The following LRBA variants were observed in gnomAD, a reference collection of about 807,000 sequenced individuals.
The protein encoded by LRBA is lipopolysaccharide-responsive and beige-like anchor protein.
LRBA carries 176 observed loss-of-function variants against 330.0 expected under a neutral mutation model. That is an observed-to-expected ratio of 0.53 (90% confidence interval 0.47 to 0.60). The LOEUF (loss-of-function observed/expected upper bound fraction) is 0.60. Among genes scored for constraint, LRBA ranks in the 20% least tolerant of loss-of-function variants. LRBA has a pLI of 0.00. For synonymous variants in LRBA, 1,230 were observed against 1,193.0 expected, an observed-to-expected ratio of 1.03 and a Z score of -0.64; for missense variants, 3,259 against 3,444.8, an observed-to-expected ratio of 0.95 and a Z score of 1.35.
At chr4:150,963,880 C>G (rs1379155670) in intron 2 of LRBA, among the ~76,000 whole-genome samples, 5 of 148,054 alleles carry the variant, frequency 3.4e-5, no homozygotes, top group Non-Finnish European at 4.4e-5. Flanking sequence ...GGCCGCCCAT[C>G]ATCTGGGATG....
intron 37 of LRBA, among the ~76,000 whole-genome samples, chr4:150,639,707 A>G (rs1395543389): frequency 7.4e-6 from 1 of 134,398 alleles, no homozygotes; most frequent in Non-Finnish European, 1.6e-5. Flanking sequence ...AAAGTGACAA[A>G]CTAGAAGATA....
intron 22 of LRBA, among the ~76,000 whole-genome samples, chr4:150,854,019 T>C (rs1023948265): frequency 2.0e-5 from 3 of 152,128 alleles, no homozygotes. Flanking sequence ...CAAAAATCAA[T>C]AGGCCTTATT....
intron 53 of LRBA, among the ~76,000 whole-genome samples, chr4:150,294,514 T>C (rs180890971): frequency 3.5e-4 from 53 of 152,318 alleles, no homozygotes; most frequent in African/African-American, 1.3e-3. Flanking sequence ...GGCATATTTA[T>C]AATTTCTCCA....
At position 150,422,529 on chromosome 4, in the gene LRBA, G is replaced by A. The variant is rs1748960419; in HGVS notation, c.7042-6939C>T. On this transcript the variant is annotated intron_variant, in intron 46 of 56. Transcript: ENST00000651943. ...CAGGGAGATGAACATTATAATACTG[G>A]CACTCCTGACCCACACTATCCTCTG... is the stretch of plus-strand genomic sequence containing the variant. The A allele has an allele frequency of 1.5e-5, 6 of 410,900 alleles. No individual in the cohort carries two copies. The Admixed American group carries it at 1.8e-4, about 12-fold the overall frequency. 25.5% of individuals were successfully genotyped at this position (410,900 alleles called of 1,614,324 possible). A position where few individuals can be genotyped will look rare whatever the true frequency, so the allele number is the denominator to read the frequency against.
chr4:150,651,422 T>C (rs1779699084), intron 37 of LRBA, among the ~76,000 whole-genome samples: 3 of 152,154 alleles, frequency 2.0e-5, no homozygotes, highest in Admixed American at 6.5e-5. Flanking sequence ...GAAGAAATAA[T>C]GTTGACGGAT....
At chr4:150,305,647 A>G (rs1730268589) in intron 52 of LRBA, among the ~76,000 whole-genome samples, 4 of 152,212 alleles carry the variant, frequency 2.6e-5, no homozygotes, top group Admixed American at 2.0e-4. Context: ...AGATAGAACA[A>G]ATTTACACTG....
rs1337722072 is a variant in LRBA, at chr4:150,264,919, AC to A, written c.*802del. On this transcript the variant is annotated 3_prime_UTR_variant, in exon 57 of 57. Transcript: ENST00000651943. ...GGAGGGAAGGGGGTGCCCCAACAAA[AC>A]AACAGTGGCTCCGCCTCATTGTCCA... is the stretch of plus-strand genomic sequence containing the variant. 7.7e-5 allele frequency: 6 copies of A among 77,936 alleles called. No individual in the cohort carries two copies. The highest frequency in any genetic ancestry group is 1.8e-4 in the Non-Finnish European group (6 of 33,560). The allele number at this position is 77,936 out of a possible 1,614,324, so 4.8% of individuals were successfully genotyped here.
At chr4:150,383,385 T>C (rs904059255) in intron 47 of LRBA, among the ~76,000 whole-genome samples, 6 of 152,098 alleles carry the variant, frequency 3.9e-5, no homozygotes, top group African/African-American at 9.7e-5. Flanking sequence ...TAGCTGGGAC[T>C]ACAGGTGTGT....
chr4:150,844,604 T>C, intron 27 of LRBA, 54 bp downstream of exon 27: 1 of 1,489,758 alleles, frequency 6.7e-7, no homozygotes, highest in South Asian at 1.3e-5. Context: ...AATAAAAATC[T>C]TAATTGTAAA....
At chr4:150,539,423 G>A (rs953668051) in intron 40 of LRBA, among the ~76,000 whole-genome samples, 1 of 151,992 alleles carries the variant, frequency 6.6e-6, no homozygotes, top group African/African-American at 2.4e-5. Flanking sequence ...TCTTTCACTT[G>A]CCATTTTTTG....
intron 37 of LRBA, among the ~76,000 whole-genome samples, chr4:150,654,511 A>C (rs1242043587): frequency 6.6e-6 from 1 of 152,024 alleles, no homozygotes; most frequent in Non-Finnish European, 1.5e-5. Flanking sequence ...TTCAATTCCT[A>C]TCTCTCTACC....
chr4:150,375,514 G>T (rs1452743525), intron 47 of LRBA, among the ~76,000 whole-genome samples: 1 of 151,996 alleles, frequency 6.6e-6, no homozygotes, highest in African/African-American at 2.4e-5. Context: ...CTGGAATGCA[G>T]TGGCATGATG....
intron 47 of LRBA, among the ~76,000 whole-genome samples, chr4:150,382,914 A>G (rs985031560): frequency 6.6e-6 from 1 of 152,222 alleles, no homozygotes; most frequent in Admixed American, 6.5e-5. Context: ...ACAAATATAG[A>G]AATAAATTGC....
chr4:150,545,782 T>G (rs998069), intron 40 of LRBA, among the ~76,000 whole-genome samples: 1 of 152,040 alleles, frequency 6.6e-6, no homozygotes, highest in Non-Finnish European at 1.5e-5. Context: ...GAAAACAATT[T>G]CTTTTAACTC....
intron 33 of LRBA, among the ~76,000 whole-genome samples, chr4:150,805,819 G>T (rs76713674): frequency 0.013 from 1,987 of 152,166 alleles, 14 homozygotes; most frequent in Middle Eastern, 0.051. Flanking sequence ...CTACCTAGAA[G>T]AGACCCAGGA....
chr4:150,483,323 C>T (rs1357842517), intron 42 of LRBA, among the ~76,000 whole-genome samples: 1 of 151,924 alleles, frequency 6.6e-6, no homozygotes, highest in Admixed American at 6.6e-5. Flanking sequence ...TATTTCTGGA[C>T]TCTGTTACAG....
chr4:150,378,600 CATCAGAGACGGA>C (rs1741712650), intron 47 of LRBA, among the ~76,000 whole-genome samples: 1 of 152,142 alleles, frequency 6.6e-6, no homozygotes, highest in African/African-American at 2.4e-5. Context: ...AACTCATATG[CATCAGAGACGGA>C]ATCACATTGT....
chr4:150,312,836 A>C (rs1731236068), intron 51 of LRBA, among the ~76,000 whole-genome samples: 1 of 152,098 alleles, frequency 6.6e-6, no homozygotes, highest in African/African-American at 2.4e-5. Flanking sequence ...GTTGAAACAA[A>C]GCTCTTTCCC....
At chr4:150,592,144 G>GTTTTTTTT (rs10685627) in intron 38 of LRBA, among the ~76,000 whole-genome samples, 9 of 65,188 alleles carry the variant, frequency 1.4e-4, no homozygotes, top group African/African-American at 2.1e-4. Context: ...GATGGCTAGG[G>GTTTTTTTT]TTTTTTTTTT....
Sources: gnomAD v4.1 joint callset for allele counts (sites outside exome capture counted in the v4.1 genomes callset) on GRCh38, gnomAD v4.1.1 for gene constraint, MANE v1.5 for transcripts, NCBI Gene and HGNC (gene_info 2026-07-23, HGNC 2026-07-21) for gene names.